Variants in SLC25A48 observed in about 807,000 individuals in gnomAD.
SLC25A48 encodes CTC-321K16.1.
In SLC25A48, 29 loss-of-function variants were observed where a neutral mutation model predicts 32.2. The ratio of observed to expected loss-of-function variants is 0.90; its 90% CI spans 0.67 to 1.23. The LOEUF (loss-of-function observed/expected upper bound fraction) is 1.23, where lower values mean the gene tolerates loss of function less well. SLC25A48 is among the 50% of genes most tolerant of loss of function. The probability of loss-of-function intolerance (pLI) is 0.00; values close to 1 mark genes in which losing one functional copy is unlikely to be tolerated. For synonymous variants in SLC25A48, 164 were observed against 172.3 expected (o/e 0.95, Z 0.38); for missense variants, 399 against 422.7 (o/e 0.94, Z 0.49).
At chr5:135,650,464 G>T (rs964923356) in intron 3 of SLC25A48, 4 of 456,068 alleles carry the variant, frequency 8.8e-6, no homozygotes, top group South Asian at 1.5e-5. Flanking sequence ...CCAGGAACCA[G>T]CCGGGTTCAT....
At position 135,805,061 on chromosome 5, in the gene SLC25A48, A is replaced by G. The variant is rs185898382; in HGVS notation, c.-520-7462A>G. Among the ~76,000 whole-genome samples the G allele has an allele frequency of 2.6e-5, 4 of 151,642 alleles. No individual in the cohort carries two copies. The East Asian group carries it at 7.7e-4, about 29-fold the overall frequency. ...AGTATCCTAGGAAGATATTACTCCT[A>G]ATATCACAGTTGGTGTACAGCCTGT... On this transcript the variant is annotated intron_variant, in intron 3 of 10. Transcript: ENST00000646290.
At chr5:135,698,116 C>T (rs955373371) in intron 3 of SLC25A48, among the ~76,000 whole-genome samples, 1 of 152,344 alleles carries the variant, frequency 6.6e-6, no homozygotes, top group Non-Finnish European at 1.5e-5. Flanking sequence ...ACCAAGTTGT[C>T]AGTGCAGGGA....
chr5:135,802,035 G>A (rs1275248549), intron 3 of SLC25A48, among the ~76,000 whole-genome samples: 1 of 151,700 alleles, frequency 6.6e-6, no homozygotes. Flanking sequence ...CAGTATTGCA[G>A]GGAATGTACA....
At chr5:135,645,245 C>G (rs1752932219) in intron 3 of SLC25A48, among the ~76,000 whole-genome samples, 1 of 152,216 alleles carries the variant, frequency 6.6e-6, no homozygotes, top group South Asian at 2.1e-4. Context: ...TTCCTCCTTT[C>G]TGTGAGGGCC....
intron 3 of SLC25A48, among the ~76,000 whole-genome samples, chr5:135,696,296 G>C (rs1580792693): frequency 6.6e-6 from 1 of 152,170 alleles, no homozygotes; most frequent in Non-Finnish European, 1.5e-5. Flanking sequence ...GGCAAGCTGG[G>C]GACATGCGTC....
chr5:135,800,342 A>G (rs530737997), intron 3 of SLC25A48, among the ~76,000 whole-genome samples: 1 of 152,042 alleles, frequency 6.6e-6, no homozygotes, highest in African/African-American at 2.4e-5. Context: ...GCAGAAGATA[A>G]TATTATTCCC....
chr5:135,697,402 C>A (rs1458881887), intron 3 of SLC25A48, among the ~76,000 whole-genome samples: 4 of 152,346 alleles, frequency 2.6e-5, no homozygotes, highest in African/African-American at 9.6e-5. Context: ...TGGTGCTTCC[C>A]ACACAGGGTG....
chr5:135,685,515 C>A (rs1754002875), intron 3 of SLC25A48, among the ~76,000 whole-genome samples: 1 of 151,156 alleles, frequency 6.6e-6, no homozygotes, highest in Non-Finnish European at 1.5e-5. Flanking sequence ...GCACTGCAAC[C>A]TCTGCCTTCC....
At chr5:135,740,784 A>C (rs545195382) in intron 3 of SLC25A48, among the ~76,000 whole-genome samples, 2 of 152,302 alleles carry the variant, frequency 1.3e-5, no homozygotes, top group East Asian at 1.9e-4. Context: ...GCTGCCCCCC[A>C]GCCCTGCTCA....
chr5:135,701,093 GC>G (rs1214333257), intron 3 of SLC25A48, among the ~76,000 whole-genome samples: 1 of 152,256 alleles, frequency 6.6e-6, no homozygotes, highest in Admixed American at 6.5e-5. Context: ...AGTATTGTCA[GC>G]CACCAGTTCC....
intron 3 of SLC25A48, among the ~76,000 whole-genome samples, chr5:135,696,972 A>T (rs1754282322): frequency 6.6e-6 from 1 of 152,256 alleles, no homozygotes; most frequent in African/African-American, 2.4e-5. Context: ...GAAAGGTAAC[A>T]GTAGGATAAT....
At chr5:135,650,641 G>C (rs1753088999) in intron 3 of SLC25A48, 2 of 314,586 alleles carry the variant, frequency 6.4e-6, no homozygotes, top group South Asian at 2.4e-5. Context: ...GCCCTGGCCA[G>C]GTTCCAGGGA....
At chr5:135,777,543 A>AT (rs910316308) in intron 3 of SLC25A48, among the ~76,000 whole-genome samples, 12 of 151,320 alleles carry the variant, frequency 7.9e-5, no homozygotes, top group Non-Finnish European at 1.3e-4. Context: ...ACTCCCTGTG[A>AT]TTTTTTTTAA....
At chr5:135,806,966 A>G (rs1757477428) in intron 3 of SLC25A48, among the ~76,000 whole-genome samples, 1 of 150,530 alleles carries the variant, frequency 6.6e-6, no homozygotes, top group Admixed American at 6.6e-5. Context: ...ATATCATAAT[A>G]ACTGTGTTAA....
At chr5:135,650,939 T>C (rs1753096792) in intron 3 of SLC25A48, among the ~76,000 whole-genome samples, 1 of 152,198 alleles carries the variant, frequency 6.6e-6, no homozygotes, top group Non-Finnish European at 1.5e-5. Context: ...CCTGCCTTCC[T>C]CTCTGGCGCC....
chr5:135,731,339 G>A (rs896167560), intron 3 of SLC25A48, among the ~76,000 whole-genome samples: 6 of 152,200 alleles, frequency 3.9e-5, no homozygotes, highest in East Asian at 1.9e-4. Context: ...TATACCTGCA[G>A]GTCACAGGGG....
At chr5:135,822,791 T>G (rs1757926630) in intron 4 of SLC25A48, among the ~76,000 whole-genome samples, 2 of 152,108 alleles carry the variant, frequency 1.3e-5, no homozygotes, top group African/African-American at 4.8e-5. Context: ...GGGTCAGACC[T>G]GGGTGCTGCC....
intron 3 of SLC25A48, chr5:135,746,385 C>G (rs1305971987): frequency 5.8e-6 from 1 of 173,436 alleles, no homozygotes; most frequent in Non-Finnish European, 1.2e-5. Context: ...ACCACAGTTA[C>G]AGCAGCTCGC....
At chr5:135,796,164 C>T (rs62364708) in intron 3 of SLC25A48, among the ~76,000 whole-genome samples, 96,304 of 151,384 alleles carry the variant, frequency 0.64, 33,315 homozygotes, top group Non-Finnish European at 0.78. Flanking sequence ...CTTTTTATAT[C>T]GTGTGGTGTG....
Sources: allele counts gnomAD v4.1 joint callset (sites outside exome capture counted in the v4.1 genomes callset), GRCh38; gene constraint gnomAD v4.1.1; transcripts MANE v1.5; gene names NCBI Gene and HGNC (gene_info 2026-07-23, HGNC 2026-07-21).